The following TTC6 variants were observed in gnomAD, a reference collection of about 807,000 sequenced individuals.
The protein encoded by TTC6 is tetratricopeptide repeat protein 6.
A neutral mutation model predicts 210.4 loss-of-function variants in TTC6; 172 were observed. The ratio of observed to expected loss-of-function variants is 0.82; its 90% CI spans 0.72 to 0.93. TTC6 has a LOEUF of 0.93. Ranked by LOEUF, TTC6 falls within the 40% of genes least tolerant of loss-of-function variation. The pLI is 0.00. For missense variants in TTC6, 2,414 were observed against 2,318.1 expected (o/e 1.04, Z -0.85); for synonymous variants, 804 against 819.6 (o/e 0.98, Z 0.32).
In TTC6 at chr14:37,614,340, G is replaced by A. The variant is rs537752391; in HGVS notation, c.-155+7598G>A. On this transcript the variant is annotated intron_variant, in intron 2 of 2. Coordinates refer to the TTC6 transcript ENST00000556845. ...GATATTGAACTAGTTCACATAAAATGCAGAAACTGTACAACCATATAGTTC... is the reference window on the plus strand; with the variant it reads ...GATATTGAACTAGTTCACATAAAATACAGAAACTGTACAACCATATAGTTC... Among the ~76,000 whole-genome samples, 10 of 152,162 alleles carry A rather than the reference G, an allele frequency of 6.6e-5. No individual in the cohort carries two copies. The South Asian group carries it at 2.1e-3, about 32-fold the overall frequency.
exon 24 of TTC6, chr14:37,808,749 T>G: frequency 1.3e-6 from 2 of 1,500,364 alleles, no homozygotes; most frequent in Non-Finnish European, 1.8e-6. Flanking sequence ...AAGCTAGCAA[T>G]TACAGATTTA....
chr14:37,774,822 T>C (rs1390579986), intron 14 of TTC6, among the ~76,000 whole-genome samples: 1 of 152,206 alleles, frequency 6.6e-6, no homozygotes. Flanking sequence ...GTACCAGCTC[T>C]TCTTTACACA....
intron 1 of TTC6, among the ~76,000 whole-genome samples, chr14:37,599,981 G>T (rs1470961809): frequency 6.6e-6 from 1 of 152,180 alleles, no homozygotes; most frequent in Non-Finnish European, 1.5e-5. Context: ...TCATCCAGCC[G>T]ATCCCCCTCC....
chr14:37,705,251 A>C (rs1211625327), intron 5 of TTC6, among the ~76,000 whole-genome samples: 1 of 152,188 alleles, frequency 6.6e-6, no homozygotes, highest in African/African-American at 2.4e-5. Context: ...ACAGATCATT[A>C]GCTTTATACA....
At chr14:37,679,136 C>T (rs1012516785) in intron 1 of TTC6, among the ~76,000 whole-genome samples, 3 of 152,030 alleles carry the variant, frequency 2.0e-5, no homozygotes, top group Admixed American at 6.6e-5. Context: ...GTGAAAGGAA[C>T]GCTTGAGCCC....
chr14:37,807,416 G>A (rs769591505), exon 23 of TTC6: 20 of 1,529,868 alleles, frequency 1.3e-5, no homozygotes, highest in Middle Eastern at 3.3e-4. Flanking sequence ...CCCTGAAAGC[G>A]TACGTGCCTA....
intron 7 of TTC6, among the ~76,000 whole-genome samples, chr14:37,735,709 C>T (rs2095899785): frequency 1.3e-5 from 2 of 152,140 alleles, no homozygotes; most frequent in South Asian, 4.1e-4. Flanking sequence ...TAAATGCCAA[C>T]ACTGAAGCCA....
intron 4 of TTC6, among the ~76,000 whole-genome samples, chr14:37,698,846 A>G (rs1007620570): frequency 1.3e-5 from 2 of 152,116 alleles, no homozygotes; most frequent in Non-Finnish European, 2.9e-5. Flanking sequence ...CACATCTTCT[A>G]TTTTTATCAG....
chr14:37,727,291 A>ATTTTTTTTTTTTTTTTT (rs368293440), intron 7 of TTC6, among the ~76,000 whole-genome samples: 6 of 92,240 alleles, frequency 6.5e-5, no homozygotes, highest in Admixed American at 3.0e-4. Context: ...TATTTTTCTA[A>ATTTTTTTTTTTTTTTTT]TTTTTTTTTT....
chr14:37,633,576 T>C (rs1239702725), intron 1 of TTC6, among the ~76,000 whole-genome samples: 1 of 152,242 alleles, frequency 6.6e-6, no homozygotes, highest in Non-Finnish European at 1.5e-5. Flanking sequence ...TTCAGCCATC[T>C]TGCCAGCAGG....
chr14:37,710,605 A>C (rs145620251), intron 5 of TTC6, among the ~76,000 whole-genome samples: 1 of 152,108 alleles, frequency 6.6e-6, no homozygotes, highest in East Asian at 1.9e-4. Flanking sequence ...CTTCACATAC[A>C]TGATTTCTAA....
At chr14:37,794,562 G>A (rs1016471455) in intron 17 of TTC6, among the ~76,000 whole-genome samples, 8 of 151,918 alleles carry the variant, frequency 5.3e-5, no homozygotes, top group African/African-American at 1.9e-4. Context: ...AATAATTAAT[G>A]TTTACTTTTC....
rs118037047 is a variant in TTC6, at chr14:37,713,586, A to G, written c.1572-1069A>G. On this transcript the variant is annotated intron_variant, in intron 5 of 30. Transcript: ENST00000553443. ...TTGGCAGTTCAGGAAAGCACATTAG[A>G]AGGAGGATGGAATGGGTGTTAAGTG... Among the ~76,000 whole-genome samples, 21 of 152,284 alleles carry G rather than the reference A, an allele frequency of 1.4e-4. No homozygotes were observed. The East Asian group carries it at 4.1e-3, about 29-fold the overall frequency.
intron 5 of TTC6, among the ~76,000 whole-genome samples, chr14:37,714,385 T>A (rs1308262271): frequency 1.3e-5 from 2 of 152,124 alleles, no homozygotes; most frequent in Non-Finnish European, 2.9e-5. Context: ...TAACCTCTTT[T>A]GCAACTAGAC....
chr14:37,655,546 A>C (rs2095720764), intron 1 of TTC6, among the ~76,000 whole-genome samples: 1 of 152,014 alleles, frequency 6.6e-6, no homozygotes. Context: ...TTTCTCTTGA[A>C]CTTTCTGCCA....
At chr14:37,677,245 T>G (rs2095771987) in intron 1 of TTC6, among the ~76,000 whole-genome samples, 1 of 152,098 alleles carries the variant, frequency 6.6e-6, no homozygotes, top group Non-Finnish European at 1.5e-5. Flanking sequence ...TTCAGCAATA[T>G]TTTATACAAG....
chr14:37,649,862 C>A (rs2139415333), intron 1 of TTC6, among the ~76,000 whole-genome samples: 1 of 152,288 alleles, frequency 6.6e-6, no homozygotes, highest in African/African-American at 2.4e-5. Flanking sequence ...CTCCTGTATT[C>A]TTTGATGTTA....
At chr14:37,792,779 TGTG>T (rs1382779423) in intron 17 of TTC6, among the ~76,000 whole-genome samples, 1 of 47,630 alleles carries the variant, frequency 2.1e-5, no homozygotes, top group Non-Finnish European at 3.6e-5. Flanking sequence ...TCCAATGTTG[TGTG>T]TGTGTGTGTG....
chr14:37,705,253 C>T (rs12882123), intron 5 of TTC6, among the ~76,000 whole-genome samples: 8,698 of 152,138 alleles, frequency 0.057, 383 homozygotes, highest in Non-Finnish European at 0.089. Context: ...AGATCATTAG[C>T]TTTATACATT....
Sources: gnomAD v4.1 joint callset for allele counts (sites outside exome capture counted in the v4.1 genomes callset) on GRCh38, gnomAD v4.1.1 for gene constraint, MANE v1.5 for transcripts, NCBI Gene and HGNC (gene_info 2026-07-23, HGNC 2026-07-21) for gene names.